Variants in VRK2 observed in about 807,000 individuals in gnomAD.
The protein encoded by VRK2 is serine/threonine-protein kinase VRK2.
Under a neutral mutation model 57.6 loss-of-function variants are expected in VRK2, and 60 were observed. The ratio of observed to expected loss-of-function variants is 1.04; its 90% confidence interval spans 0.85 to 1.29. VRK2 has a LOEUF of 1.29. Among genes scored for constraint, VRK2 ranks in the 50% most tolerant of loss-of-function variants. The pLI, the probability that VRK2 is intolerant of heterozygous loss-of-function variation, is 0.00. For missense variants in VRK2, 705 were observed against 588.1 expected (o/e 1.20, Z -2.06); for synonymous variants, 231 against 199.2 (o/e 1.16, Z -1.35).
rs192226824 is a variant in VRK2 at position 57,971,247 on chromosome 2, G to A, written c.-438-54418G>A. Among the ~76,000 whole-genome samples, 61 of 152,028 alleles carry A rather than the reference G, an allele frequency of 4.0e-4. No homozygotes were observed. The South Asian group carries it at 7.9e-3, about 20-fold the overall frequency. On this transcript the variant is annotated intron_variant, in intron 1 of 15. Coordinates refer to the VRK2 transcript ENST00000417641. Reference sequence around the variant, plus strand: ...ACTTGCAAGAGCCCTCTCCTAGTGGGATAACATAGTACTCACTTAGCAGTA... The same window carrying A: ...ACTTGCAAGAGCCCTCTCCTAGTGGAATAACATAGTACTCACTTAGCAGTA...
intron 12 of VRK2, 32 bp from the exon 13 acceptor site, chr2:58,159,317 C>CAAACT (rs768039421): frequency 1.3e-6 from 2 of 1,515,500 alleles, no homozygotes; most frequent in South Asian, 1.3e-5. Context: ...TCACGTCTAA[C>CAAACT]AAACTAAACT....
intron 1 of VRK2, among the ~76,000 whole-genome samples, chr2:57,977,202 G>A (rs1672278927): frequency 6.6e-6 from 1 of 151,774 alleles, no homozygotes; most frequent in Non-Finnish European, 1.5e-5. Flanking sequence ...TTAGGATTTT[G>A]TTTGTTTGTT....
At chr2:58,133,016 A>C (rs1679440557) in intron 9 of VRK2, among the ~76,000 whole-genome samples, 1 of 152,184 alleles carries the variant, frequency 6.6e-6, no homozygotes, top group Admixed American at 6.5e-5. Context: ...TGATGTATAA[A>C]CAGTTTTTGT....
intron 8 of VRK2, among the ~76,000 whole-genome samples, chr2:58,125,884 A>T (rs1678269665): frequency 6.6e-6 from 1 of 152,046 alleles, no homozygotes; most frequent in African/African-American, 2.4e-5. Flanking sequence ...AATACTGTTC[A>T]CTCCTATGTT....
intron 1 of VRK2, among the ~76,000 whole-genome samples, chr2:57,935,848 C>T (rs1670887427): frequency 6.6e-6 from 1 of 152,208 alleles, no homozygotes; most frequent in South Asian, 2.1e-4. Flanking sequence ...AGCTGTGCTG[C>T]CTTGGAGGAA....
At chr2:58,093,030 A>G (rs1672599198) in intron 7 of VRK2, among the ~76,000 whole-genome samples, 1 of 152,168 alleles carries the variant, frequency 6.6e-6, no homozygotes, top group African/African-American at 2.4e-5. Context: ...TCCATGGTAT[A>G]TATGTGCCAC....
intron 1 of VRK2, among the ~76,000 whole-genome samples, chr2:57,914,339 C>T (rs1670082284): frequency 6.6e-6 from 1 of 151,448 alleles, no homozygotes; most frequent in African/African-American, 2.4e-5. Flanking sequence ...GTGTTTTAGC[C>T]TAGGACATAG....
At chr2:57,930,327 T>C (rs1670677704) in intron 1 of VRK2, among the ~76,000 whole-genome samples, 1 of 152,174 alleles carries the variant, frequency 6.6e-6, no homozygotes, top group Non-Finnish European at 1.5e-5. Flanking sequence ...CATGTTGCTT[T>C]CCACTGTGAC....
chr2:58,065,130 G>C (rs1268573485), intron 2 of VRK2, among the ~76,000 whole-genome samples: 1 of 151,824 alleles, frequency 6.6e-6, no homozygotes, highest in Non-Finnish European at 1.5e-5. Flanking sequence ...TTATGATTAT[G>C]TACTTGTATC....
chr2:57,916,761 C>G (rs1670169289), intron 1 of VRK2, among the ~76,000 whole-genome samples: 1 of 152,012 alleles, frequency 6.6e-6, no homozygotes, highest in African/African-American at 2.4e-5. Flanking sequence ...TAGAGAAAAG[C>G]CATTTACAGA....
chr2:58,136,214 C>A (rs563354567), intron 10 of VRK2, among the ~76,000 whole-genome samples: 33 of 152,238 alleles, frequency 2.2e-4, no homozygotes, highest in African/African-American at 7.9e-4. Flanking sequence ...AAGCCTATCC[C>A]CACATGAGTC....
intron 1 of VRK2, among the ~76,000 whole-genome samples, chr2:57,923,757 C>T (rs1317846318): frequency 1.3e-5 from 2 of 151,916 alleles, no homozygotes; most frequent in Non-Finnish European, 1.5e-5. Flanking sequence ...TCCCCTTTTG[C>T]TTTGGTTGCC....
At chr2:57,926,872 TAAGTA>T (rs1266083615) in intron 1 of VRK2, among the ~76,000 whole-genome samples, 2 of 152,070 alleles carry the variant, frequency 1.3e-5, no homozygotes, top group Admixed American at 6.6e-5. Context: ...TTCTTATTTA[TAAGTA>T]AAGACTTAAT....
intron 1 of VRK2, among the ~76,000 whole-genome samples, chr2:57,929,923 C>A (rs1481242045): frequency 6.6e-6 from 1 of 152,110 alleles, no homozygotes. Context: ...TGCAGCTGAG[C>A]TAGTATCCAG....
chr2:57,989,460 T>C (rs1467351444), intron 1 of VRK2, among the ~76,000 whole-genome samples: 2 of 152,218 alleles, frequency 1.3e-5, no homozygotes, highest in East Asian at 1.9e-4. Context: ...GACAAAGAAA[T>C]GTTTGCCTTA....
chr2:58,087,662 G>T (rs1671818057), intron 5 of VRK2, among the ~76,000 whole-genome samples: 1 of 152,072 alleles, frequency 6.6e-6, no homozygotes, highest in African/African-American at 2.4e-5. Context: ...TATAGAGACG[G>T]TATATATGAT....
At chr2:57,971,408 AAGTAC>A (rs1345050419) in intron 1 of VRK2, among the ~76,000 whole-genome samples, 1 of 151,970 alleles carries the variant, frequency 6.6e-6, no homozygotes, top group African/African-American at 2.4e-5. Flanking sequence ...TAAACAGTTT[AAGTAC>A]AGTAAGTATT....
chr2:58,034,389 A>G (rs1271944869), intron 3 of VRK2, among the ~76,000 whole-genome samples: 1 of 151,750 alleles, frequency 6.6e-6, no homozygotes, highest in African/African-American at 2.4e-5. Flanking sequence ...CTCATCTTTC[A>G]GGTCTTATTT....
chr2:57,976,898 A>G (rs1672268212), intron 1 of VRK2, among the ~76,000 whole-genome samples: 2 of 152,262 alleles, frequency 1.3e-5, no homozygotes, highest in South Asian at 2.1e-4. Context: ...ATTTTTGTAT[A>G]TGGTGAAAGA....
Sources: gnomAD v4.1 joint callset for allele counts (sites outside exome capture counted in the v4.1 genomes callset) on GRCh38, gnomAD v4.1.1 for gene constraint, MANE v1.5 for transcripts, NCBI Gene and HGNC (gene_info 2026-07-23, HGNC 2026-07-21) for gene names.